Variants in BCL2L14 observed in about 807,000 individuals in gnomAD.
The protein encoded by BCL2L14 is BCL2 like 14, also known as apoptosis facilitator Bcl-2-like protein 14.
In BCL2L14, 27 loss-of-function variants were observed where a neutral mutation model predicts 35.3. The observed-to-expected ratio is 0.76, with a 90% confidence interval of 0.56 to 1.05. The LOEUF (loss-of-function observed/expected upper bound fraction) is 1.05. BCL2L14 is among the 50% of genes least tolerant of loss of function. The probability of loss-of-function intolerance (pLI) is 0.00; values close to 1 mark genes in which losing one functional copy is unlikely to be tolerated. For missense variants in BCL2L14, 377 were observed against 382.6 expected (o/e 0.99, Z 0.12); for synonymous variants, 139 against 145.9 (o/e 0.95, Z 0.34).
upstream of BCL2L14, chr12:12,068,136 G>A (rs1192401719): frequency 5.0e-6 from 2 of 398,370 alleles, no homozygotes; most frequent in Admixed American, 8.8e-5. Flanking sequence ...TAGTGATGGG[G>A]TTATCACCAT....
chr12:12,087,822 T>C (rs913148530), intron 3 of BCL2L14, among the ~76,000 whole-genome samples: 59 of 152,198 alleles, frequency 3.9e-4, no homozygotes, highest in African/African-American at 1.3e-3. Flanking sequence ...GCACCAGCTA[T>C]GGTGCAAGAC....
chr12:12,054,016 A>C (rs528249946), intron 2 of BCL2L14, among the ~76,000 whole-genome samples: 20 of 152,342 alleles, frequency 1.3e-4, no homozygotes, highest in Non-Finnish European at 1.0e-4. Context: ...CTCCCGGTTT[A>C]GTAATAACAT....
intron 3 of BCL2L14, 52 bp downstream of exon 3, chr12:12,087,438 A>C (rs535671636): frequency 6.3e-7 from 1 of 1,583,426 alleles, no homozygotes; most frequent in South Asian, 1.1e-5. Context: ...GCGCAGGAGC[A>C]TTTGTGTATT....
intron 2 of BCL2L14, among the ~76,000 whole-genome samples, chr12:12,062,128 TTTC>T (rs1273724413): frequency 6.6e-6 from 1 of 151,810 alleles, no homozygotes; most frequent in Admixed American, 6.6e-5. Flanking sequence ...CAAAATCTAT[TTTC>T]TTCCTCATAC....
chr12:12,093,437 A>C (rs1949239351), intron 4 of BCL2L14, among the ~76,000 whole-genome samples: 1 of 152,122 alleles, frequency 6.6e-6, no homozygotes, highest in Non-Finnish European at 1.5e-5. Context: ...GTTTGAGACC[A>C]GCCTGGGCAA....
At chr12:12,072,875 G>GT (rs1948696755) in intron 1 of BCL2L14, among the ~76,000 whole-genome samples, 1 of 119,136 alleles carries the variant, frequency 8.4e-6, no homozygotes, top group African/African-American at 3.1e-5. Flanking sequence ...TGTGTGGGTG[G>GT]GTTTTTTTTT....
intron 3 of BCL2L14, among the ~76,000 whole-genome samples, chr12:12,087,715 C>T (rs1309451898): frequency 1.3e-5 from 2 of 152,190 alleles, no homozygotes; most frequent in Admixed American, 6.5e-5. Flanking sequence ...TACCAGTGAC[C>T]CTGGGCCAAT....
intron 1 of BCL2L14, among the ~76,000 whole-genome samples, chr12:12,050,983 G>A (rs1190463479): frequency 6.6e-6 from 1 of 152,122 alleles, no homozygotes; most frequent in Non-Finnish European, 1.5e-5. Context: ...TGCTCGATAA[G>A]GATTGAATAG....
intron 1 of BCL2L14, among the ~76,000 whole-genome samples, chr12:12,078,623 T>TC (rs1948835924): frequency 6.6e-6 from 1 of 152,014 alleles, no homozygotes; most frequent in Non-Finnish European, 1.5e-5. Context: ...ACCTATAATC[T>TC]CCCCTCTGCC....
intron 2 of BCL2L14, among the ~76,000 whole-genome samples, chr12:12,086,771 C>A (rs1209248296): frequency 6.6e-6 from 1 of 152,110 alleles, no homozygotes; most frequent in Non-Finnish European, 1.5e-5. Context: ...CAGTGACCAA[C>A]CCCGAAATGC....
At chr12:12,075,545 C>T (rs572439156) in intron 1 of BCL2L14, among the ~76,000 whole-genome samples, 1 of 152,220 alleles carries the variant, frequency 6.6e-6, no homozygotes, top group Non-Finnish European at 1.5e-5. Flanking sequence ...CCTGCCTCAG[C>T]CTCCCGAGTA....
Position 12,079,653 on chromosome 12 carries a change from T to C in BCL2L14, c.348T>C (p.Gly116=). The C allele has an allele frequency of 1.9e-6, 3 of 1,614,100 alleles. No homozygotes were observed. The change falls in exon 2 of 6, where the codon GGT becomes GGC. Residue 116 remains glycine (G), a synonymous_variant. Transcript: ENST00000308721. ...CGCCTGCCAAGGTCTCTGCTCAGGGTCAAAGGACGTTGGAATACCAAGATT... is the reference window on the plus strand; with the variant it reads ...CGCCTGCCAAGGTCTCTGCTCAGGGCCAAAGGACGTTGGAATACCAAGATT... ...QSTPAKVSAQ[G]QRTLEYQDSH...
At chr12:12,087,597 C>T (rs1200987831) in intron 3 of BCL2L14, among the ~76,000 whole-genome samples, 3 of 152,220 alleles carry the variant, frequency 2.0e-5, no homozygotes, top group African/African-American at 4.8e-5. Flanking sequence ...ATTCCCAGCT[C>T]TCTGCTAAGT....
chr12:12,082,305 G>A (rs1948945834), intron 2 of BCL2L14, among the ~76,000 whole-genome samples: 1 of 152,196 alleles, frequency 6.6e-6, no homozygotes, highest in Admixed American at 6.5e-5. Flanking sequence ...GCGGCCCCCT[G>A]TGGTCCTTCC....
intron 4 of BCL2L14, 128 bp from the exon 5 acceptor site, chr12:12,094,536 T>C (rs1949267120): frequency 6.2e-7 from 1 of 1,614,142 alleles, no homozygotes; most frequent in South Asian, 1.1e-5. Flanking sequence ...CCCATTCCCT[T>C]GGTTGACACC....
At chr12:12,091,544 C>T (rs1293809521) in intron 4 of BCL2L14, among the ~76,000 whole-genome samples, 8 of 152,176 alleles carry the variant, frequency 5.3e-5, no homozygotes, top group Non-Finnish European at 4.4e-5. Context: ...GGCTTGCAGA[C>T]ATAGACCCTT....
intron 2 of BCL2L14, among the ~76,000 whole-genome samples, chr12:12,084,835 G>C (rs1237097283): frequency 6.6e-6 from 1 of 152,098 alleles, no homozygotes; most frequent in Non-Finnish European, 1.5e-5. Flanking sequence ...ACTTTGGGAG[G>C]CTGAGGCAGG....
chr12:12,082,535 A>G (rs988940167), intron 2 of BCL2L14, among the ~76,000 whole-genome samples: 2 of 152,146 alleles, frequency 1.3e-5, no homozygotes, highest in African/African-American at 4.8e-5. Flanking sequence ...GTATTTCAGT[A>G]TTTACTGGAG....
chr12:12,084,317 C>T (rs1042791449), intron 2 of BCL2L14, among the ~76,000 whole-genome samples: 1 of 152,152 alleles, frequency 6.6e-6, no homozygotes, highest in African/African-American at 2.4e-5. Flanking sequence ...ATCTCATTGG[C>T]CCTTCCCTAC....
Sources: allele counts gnomAD v4.1 joint callset (sites outside exome capture counted in the v4.1 genomes callset), GRCh38; gene constraint gnomAD v4.1.1; transcripts MANE v1.5; gene names NCBI Gene and HGNC (gene_info 2026-07-23, HGNC 2026-07-21).